CAPRIN1: variants seen among roughly 807,000 people sequenced by gnomAD.
CAPRIN1 encodes caprin-1.
CAPRIN1 carries 29 observed loss-of-function variants against 100.9 expected under a neutral mutation model. The ratio of observed to expected loss-of-function variants is 0.29; its 90% CI spans 0.21 to 0.39. The LOEUF is 0.39. Ranked by LOEUF, CAPRIN1 falls within the 10% of genes least tolerant of loss-of-function variation. CAPRIN1 has a pLI of 1.00. For missense variants in CAPRIN1, 795 were observed against 876.7 expected (o/e 0.91, Z 1.18); for synonymous variants, 338 against 307.5 (o/e 1.10, Z -1.04).
At chr11:34,096,773 G>A in intron 16 of CAPRIN1, 100 bp downstream of exon 16, 1 of 793,730 alleles carries the variant, frequency 1.3e-6, no homozygotes, top group Non-Finnish European at 2.0e-6. Flanking sequence ...GGATGTATCT[G>A]CATTAGCCTC....
intron 14 of CAPRIN1, 60 bp from the exon 15 acceptor site, chr11:34,091,846 G>T: frequency 6.8e-7 from 1 of 1,479,596 alleles, no homozygotes; most frequent in Non-Finnish European, 9.2e-7. Flanking sequence ...ATTGAGTTTG[G>T]CCATGTTATA....
chr11:34,097,304 A>T lies in CAPRIN1; in HGVS notation c.2001+8A>T, dbSNP rs139079041. 1,129 of 1,581,786 alleles carry T rather than the reference A, an allele frequency of 7.1e-4. 8 individuals are homozygous for T. The African/African-American group carries it at 0.013, about 18-fold the overall frequency. On this transcript the variant is annotated splice_region_variant and intron_variant, in intron 17 of 18. Transcript: ENST00000341394. ...TACTCTGGCTATCAACGGGTAGGTAAAGTAGTTCTAAAGTGTAAACCTGAA... is the reference window on the plus strand; with the variant it reads ...TACTCTGGCTATCAACGGGTAGGTATAGTAGTTCTAAAGTGTAAACCTGAA...
chr11:34,086,243 T>C (rs371135483), intron 10 of CAPRIN1, 24 bp downstream of exon 10: 54 of 1,611,762 alleles, frequency 3.4e-5, no homozygotes, highest in Non-Finnish European at 4.2e-5. Context: ...AGTCAGACTC[T>C]GTAACAGAAA....
chr11:34,061,602 C>T (rs1042302112), intron 2 of CAPRIN1, among the ~76,000 whole-genome samples: 1 of 151,860 alleles, frequency 6.6e-6, no homozygotes, highest in Non-Finnish European at 1.5e-5. Context: ...CTTCCAGGGC[C>T]TGGTAGAGTG....
intron 14 of CAPRIN1, among the ~76,000 whole-genome samples, chr11:34,091,292 T>G (rs1269872260): frequency 1.3e-5 from 2 of 152,160 alleles, no homozygotes; most frequent in East Asian, 3.8e-4. Flanking sequence ...TTTGTCTTAT[T>G]TATTTATTTT....
At chr11:34,098,485 C>G in intron 18 of CAPRIN1, 2 of 985,228 alleles carry the variant, frequency 2.0e-6, no homozygotes, top group Non-Finnish European at 2.4e-6. Flanking sequence ...CTAAATGGTT[C>G]TCTGATTTGA....
At chr11:34,095,862 T>G (rs1469042573) in intron 15 of CAPRIN1, 1 of 152,234 alleles carries the variant, frequency 6.6e-6, no homozygotes, top group African/African-American at 2.4e-5. Context: ...GTGAGTACCA[T>G]GTGATTGTTT....
chr11:34,072,905 T>G (rs944089780), intron 4 of CAPRIN1, among the ~76,000 whole-genome samples: 6 of 152,246 alleles, frequency 3.9e-5, no homozygotes, highest in Non-Finnish European at 8.8e-5. Context: ...AATACCTCTG[T>G]GTTACAGTTG....
chr11:34,097,900 T>C, intron 18 of CAPRIN1, 139 bp downstream of exon 18: 1 of 1,430,620 alleles, frequency 7.0e-7, no homozygotes, highest in Non-Finnish European at 9.2e-7. Flanking sequence ...AATGCTCTGT[T>C]TCTAAAACTT....
intron 2 of CAPRIN1, among the ~76,000 whole-genome samples, chr11:34,066,024 A>G (rs1850683771): frequency 6.6e-6 from 1 of 152,176 alleles, no homozygotes; most frequent in Non-Finnish European, 1.5e-5. Context: ...GTCAGGCTGG[A>G]GTGTGATAGC....
chr11:34,058,831 A>T (rs1467772030), intron 2 of CAPRIN1, among the ~76,000 whole-genome samples: 1 of 152,210 alleles, frequency 6.6e-6, no homozygotes, highest in African/African-American at 2.4e-5. Flanking sequence ...GGTATGTTGT[A>T]GACCGGAAAA....
At chr11:34,093,663 A>G (rs1851307384) in intron 15 of CAPRIN1, among the ~76,000 whole-genome samples, 1 of 152,242 alleles carries the variant, frequency 6.6e-6, no homozygotes, top group Middle Eastern at 3.4e-3. Context: ...CAGTTATACT[A>G]TGCTCAGCTT....
At chr11:34,059,163 A>C (rs906512766) in intron 2 of CAPRIN1, among the ~76,000 whole-genome samples, 1 of 152,158 alleles carries the variant, frequency 6.6e-6, no homozygotes, top group African/African-American at 2.4e-5. Context: ...TCAAAATTCA[A>C]ACTTCCTGAG....
intron 2 of CAPRIN1, among the ~76,000 whole-genome samples, chr11:34,063,622 C>G (rs75593643): frequency 0.019 from 2,853 of 152,258 alleles, 90 homozygotes; most frequent in African/African-American, 0.066. Context: ...CCCTTAAAGA[C>G]TCTGGGTAAT....
At chr11:34,070,059 A>G (rs1394972856) in intron 2 of CAPRIN1, among the ~76,000 whole-genome samples, 1 of 152,194 alleles carries the variant, frequency 6.6e-6, no homozygotes, top group Admixed American at 6.5e-5. Context: ...ATGTATGTTC[A>G]TAATTTATTG....
At chr11:34,066,597 G>A (rs1850700250) in intron 2 of CAPRIN1, among the ~76,000 whole-genome samples, 1 of 151,736 alleles carries the variant, frequency 6.6e-6, no homozygotes, top group South Asian at 2.1e-4. Flanking sequence ...CTCCCGAAGT[G>A]CTGGAATTAC....
At chr11:34,053,731 ACT>A (rs1460496235) in intron 2 of CAPRIN1, 1 of 151,972 alleles carries the variant, frequency 6.6e-6, no homozygotes, top group Non-Finnish European at 1.5e-5. Context: ...GACAGTGTAA[ACT>A]CTTGTTTAGA....
intron 18 of CAPRIN1, chr11:34,098,274 C>G: frequency 1.0e-6 from 1 of 984,506 alleles, no homozygotes; most frequent in South Asian, 4.7e-5. Context: ...TTTTGGACCT[C>G]TATTAGTGAT....
In CAPRIN1 at chr11:34,076,483, G is replaced by A. The variant is rs780172686; in HGVS notation, c.605+9G>A. The A allele has an allele frequency of 5.0e-6, 8 of 1,609,008 alleles. 1 individual carries two copies. The highest frequency in any genetic ancestry group is 6.8e-6 in the Non-Finnish European group (8 of 1,175,426). ...CGGGACATGAGCTTGAGGTATTAGT[G>A]GTATTTGATAATAGAAACTTCTGAG... On this transcript the variant is annotated intron_variant, in intron 5 of 18. Transcript: ENST00000341394.
Sources: gnomAD v4.1 joint callset for allele counts (sites outside exome capture counted in the v4.1 genomes callset) on GRCh38, gnomAD v4.1.1 for gene constraint, MANE v1.5 for transcripts, NCBI Gene and HGNC (gene_info 2026-07-23, HGNC 2026-07-21) for gene names.